The following LPAR6 variants were observed in gnomAD, a reference collection of about 807,000 sequenced individuals.
The protein encoded by LPAR6 is lysophosphatidic acid receptor 6.
LPAR6 carries 17 observed loss-of-function variants against 22.0 expected under a neutral mutation model. The observed-to-expected ratio is 0.77, with a 90% confidence interval of 0.53 to 1.16. The LOEUF (loss-of-function observed/expected upper bound fraction) is 1.16, where lower values mean the gene tolerates loss of function less well. LPAR6 is among the 50% of genes most tolerant of loss of function. The probability of loss-of-function intolerance (pLI) is 0.00; values close to 1 mark genes in which losing one functional copy is unlikely to be tolerated. For synonymous variants in LPAR6, 136 were observed against 139.8 expected (o/e 0.97, Z 0.19); for missense variants, 384 against 406.9 (o/e 0.94, Z 0.48).
At chr13:48,390,680 G>T (rs1027046666) in intron 1 of LPAR6, among the ~76,000 whole-genome samples, 1 of 152,090 alleles carries the variant, frequency 6.6e-6, no homozygotes, top group Admixed American at 6.5e-5. Flanking sequence ...GTCCTTTGAT[G>T]AATTTACCTC....
At chr13:48,390,605 C>T (rs576382735) in intron 1 of LPAR6, among the ~76,000 whole-genome samples, 34 of 152,288 alleles carry the variant, frequency 2.2e-4, no homozygotes, top group African/African-American at 7.9e-4. Context: ...ACTAATCTCT[C>T]TCTCAATACC....
chr13:48,420,338 G>A (rs568464066), intron 2 of LPAR6, among the ~76,000 whole-genome samples: 3 of 152,192 alleles, frequency 2.0e-5, no homozygotes, highest in East Asian at 1.9e-4. Flanking sequence ...ATTCAACACT[G>A]CTTCATGCTA....
chr13:48,397,733 T>C (rs754625855), intron 1 of LPAR6, among the ~76,000 whole-genome samples: 1 of 152,224 alleles, frequency 6.6e-6, no homozygotes, highest in Non-Finnish European at 1.5e-5. Flanking sequence ...TAATTTGTAA[T>C]GAATAGCCCA....
chr13:48,423,633 G>A (rs1328617172), intron 1 of LPAR6, among the ~76,000 whole-genome samples: 1 of 152,076 alleles, frequency 6.6e-6, no homozygotes, highest in Non-Finnish European at 1.5e-5. Flanking sequence ...AAGTTTCGAA[G>A]GCCATAATTG....
intron 1 of LPAR6, among the ~76,000 whole-genome samples, chr13:48,392,006 T>C (rs1948614358): frequency 6.6e-6 from 1 of 152,256 alleles, no homozygotes; most frequent in African/African-American, 2.4e-5. Context: ...ACCTTTATTT[T>C]TAAAAGGTCT....
At chr13:48,438,433 C>T (rs1010304204) in intron 1 of LPAR6, among the ~76,000 whole-genome samples, 10 of 152,096 alleles carry the variant, frequency 6.6e-5, no homozygotes, top group Non-Finnish European at 1.2e-4. Flanking sequence ...TAATCTCTTC[C>T]AAGAAGTTTT....
At chr13:48,415,948 A>G (rs894971028), upstream of LPAR6, 3 of 152,232 alleles carry the variant, frequency 2.0e-5, no homozygotes, top group Admixed American at 1.3e-4. Flanking sequence ...CAGAGTAACT[A>G]CTTGCAAAGG....
upstream of LPAR6, among the ~76,000 whole-genome samples, chr13:48,430,773 A>C (rs1319918470): frequency 1.3e-5 from 2 of 151,612 alleles, no homozygotes; most frequent in East Asian, 1.9e-4. Context: ...AACAAAAAAA[A>C]AAAACAGTAG....
chr13:48,401,748 C>A (rs1014824162), intron 1 of LPAR6, among the ~76,000 whole-genome samples: 1 of 152,090 alleles, frequency 6.6e-6, no homozygotes, highest in Non-Finnish European at 1.5e-5. Flanking sequence ...GATAAGGAAA[C>A]GTAGAATAGG....
Position 48,411,609 on chromosome 13 carries a change from A to T in LPAR6, c.815T>A (p.Met272Lys), listed in dbSNP as rs114372872. The change falls in exon 1 of 1, where the codon ATG becomes AAG. Residue 272 changes from methionine to lysine, a missense_variant. Transcript: ENST00000620633. ...NCSVVAAVRTMYPITLCIAVS... is the reference protein window; with the variant it reads ...NCSVVAAVRTKYPITLCIAVS... ...AGCAATACAGAGAGTGATTGGGTAC[A>T]TTGTCCTTACTGCTGCCACTACTGA... The T allele has an allele frequency of 6.2e-7, 1 of 1,612,496 alleles. No individual in the cohort carries two copies. The highest frequency in any genetic ancestry group is 8.5e-7 in the Non-Finnish European group (1 of 1,178,684).
chr13:48,403,371 C>T lies in LPAR6; in HGVS notation n.114+12329G>A, dbSNP rs116514109. 1.0e-2 allele frequency among the ~76,000 whole-genome samples: 1,516 copies of T among 152,170 alleles called. 36 individuals are homozygous for T. Among genetic ancestry groups the T allele is most frequent in the African/African-American group, 0.035 (1,438 of 41,488 alleles). ...AGACACATATCACAGGGGAGTGAAA[C>T]CCAGCAGTACTCAGACTGTGAAGCA... is the stretch of plus-strand genomic sequence containing the variant. On this transcript the variant is annotated intron_variant and non_coding_transcript_variant, in intron 1 of 1. Coordinates refer to the LPAR6 transcript ENST00000462781.
At chr13:48,434,399 C>G (rs1041378231) in intron 1 of LPAR6, among the ~76,000 whole-genome samples, 5 of 152,242 alleles carry the variant, frequency 3.3e-5, no homozygotes, top group African/African-American at 1.2e-4. Context: ...ATTGCTCTGT[C>G]AGCAATATCT....
intron 1 of LPAR6, among the ~76,000 whole-genome samples, chr13:48,391,791 A>G (rs1461437665): frequency 6.6e-6 from 1 of 150,932 alleles, no homozygotes; most frequent in African/African-American, 2.4e-5. Context: ...GCTAATTTTT[A>G]TATTTTTAGT....
chr13:48,402,568 G>A (rs866990013), intron 1 of LPAR6, among the ~76,000 whole-genome samples: 4 of 151,710 alleles, frequency 2.6e-5, no homozygotes, highest in South Asian at 2.1e-4. Context: ...TTGTAGAGAC[G>A]GGGTCTTGCT....
chr13:48,438,647 C>T (rs1456252697), intron 1 of LPAR6, among the ~76,000 whole-genome samples: 1 of 151,958 alleles, frequency 6.6e-6, no homozygotes, highest in Non-Finnish European at 1.5e-5. Flanking sequence ...CCTGGATCCA[C>T]CACTTATTCA....
At chr13:48,415,043 ATCT>A (rs775620353), upstream of LPAR6, among the ~76,000 whole-genome samples, 19 of 152,016 alleles carry the variant, frequency 1.2e-4, no homozygotes, top group Non-Finnish European at 1.6e-4. Flanking sequence ...AATCTTAGTA[ATCT>A]TCTTTCAAAT....
downstream of LPAR6, among the ~76,000 whole-genome samples, chr13:48,407,480 A>G (rs1948750805): frequency 6.6e-6 from 1 of 152,302 alleles, no homozygotes; most frequent in East Asian, 1.9e-4. Flanking sequence ...TTTAATTGAC[A>G]TTCTTTGTAC....
chr13:48,430,694 T>G (rs541819446), upstream of LPAR6, among the ~76,000 whole-genome samples: 1 of 152,124 alleles, frequency 6.6e-6, no homozygotes, highest in East Asian at 1.9e-4. Context: ...GAGCCGAGAT[T>G]GTGCCACTGC....
chr13:48,417,499 C>T (rs1185509487), upstream of LPAR6, among the ~76,000 whole-genome samples: 1 of 152,106 alleles, frequency 6.6e-6, no homozygotes, highest in African/African-American at 2.4e-5. Context: ...CTGACAATTC[C>T]AAAAACCAGA....
Sources: gnomAD v4.1 joint callset for allele counts (sites outside exome capture counted in the v4.1 genomes callset) on GRCh38, gnomAD v4.1.1 for gene constraint, MANE v1.5 for transcripts, NCBI Gene and HGNC (gene_info 2026-07-23, HGNC 2026-07-21) for gene names.